Variants in STRC observed in about 807,000 individuals in gnomAD.
STRC encodes the protein stereocilin.
A neutral mutation model predicts 103.5 loss-of-function variants in STRC; 43 were observed. The observed-to-expected ratio is 0.42, with a 90% CI of 0.33 to 0.54. The LOEUF (loss-of-function observed/expected upper bound fraction) is 0.54. Among genes scored for constraint, STRC ranks in the 20% least tolerant of loss-of-function variants. The pLI, the probability that STRC is intolerant of heterozygous loss-of-function variation, is 0.14. For missense variants in STRC, 499 were observed against 1,088.5 expected (o/e 0.46, Z 7.62); for synonymous variants, 186 against 442.3 (o/e 0.42, Z 7.27).
rs755265926 is a variant in STRC at position 43,603,443 on chromosome 15, C to T, written c.4376-32G>A. On this transcript the variant is annotated intron_variant, in intron 22 of 28. Coordinates refer to ENST00000450892, the MANE Select transcript of STRC (RefSeq NM_153700.2). The stretch of plus-strand genomic sequence containing the variant: ...GGGGAAGGCAGGGCCAGGAGGTCAG[C>T]GCAGTAATAAAATATGCCCAGAGAG... 42 of 1,606,936 alleles carry T rather than the reference C, an allele frequency of 2.6e-5. No homozygotes were observed. The Middle Eastern group carries it at 6.6e-4, about 25-fold the overall frequency.
chr15:43,609,267 G>A lies in STRC; in HGVS notation c.3557+9C>T. 3.7e-6 allele frequency: 6 copies of A among 1,610,192 alleles called. No homozygotes were observed. The highest frequency in any genetic ancestry group is 5.1e-6 in the Non-Finnish European group (6 of 1,179,124). ...GAATTCAGCGCACTGCTCAACACAA[G>A]TTACTCACTGCAGATTCCTGAGGGT... On this transcript the variant is annotated intron_variant, in intron 16 of 28. Coordinates refer to ENST00000450892, the MANE Select transcript of STRC (RefSeq NM_153700.2).
At chr15:43,603,505 G>A in intron 22 of STRC, 94 bp from the exon 23 acceptor site, 1 of 1,335,448 alleles carries the variant, frequency 7.5e-7, no homozygotes, top group Non-Finnish European at 1.1e-6. Flanking sequence ...AACCTTTGGA[G>A]GATAGAGCAC....
intron 21 of STRC, 91 bp from the exon 22 acceptor site, chr15:43,604,243 G>A: frequency 6.3e-7 from 1 of 1,596,974 alleles, no homozygotes. Context: ...TCTCTGTTTT[G>A]CAGTCTCCCC....
intron 23 of STRC, among the ~76,000 whole-genome samples, chr15:43,602,854 A>C (rs539561175): frequency 2.6e-5 from 4 of 151,514 alleles, no homozygotes; most frequent in South Asian, 2.1e-4. Context: ...GCCGTGTTAG[A>C]CAGGATGGTC....
intron 21 of STRC, 40 bp downstream of exon 21, chr15:43,604,321 C>T: frequency 2.5e-6 from 4 of 1,580,354 alleles, no homozygotes; most frequent in Non-Finnish European, 3.4e-6. Flanking sequence ...CACCAGTCCC[C>T]TCTATGCATT....
chr15:43,603,355 T>G lies in STRC; in HGVS notation c.4432A>C (p.Thr1478Pro), dbSNP rs148736697. Reference protein sequence around the residue: ...RGTFPAAWSATQIAEMELSDF... With the variant: ...RGTFPAAWSAPQIAEMELSDF... ...GAGAGCTCCATCTCTGCAATCTGGG[T>G]TGCAGACCAGGCTGCTGGGAATGTC... is the stretch of plus-strand genomic sequence containing the variant. Residue 1478 changes from threonine (T) to proline (P), a missense_variant, in exon 23 of 29, where the codon ACC (threonine) becomes CCC (proline). By Grantham distance (38) the Thr-to-Pro change is conservative (BLOSUM62 -1). Coordinates refer to ENST00000450892, the MANE Select transcript of STRC (RefSeq NM_153700.2). 139 of 1,613,670 alleles carry G rather than the reference T, an allele frequency of 8.6e-5. No homozygotes were observed. In the African/African-American group the frequency reaches 1.8e-3, roughly 20 times the overall value.
chr15:43,604,156 C>T lies in STRC; in HGVS notation c.4219-4G>A. ...GGGTCTCTGGACCCAAGGCCTCCTG[C>T]ATGAGAAGGTAGAAGGAGAGTGGGG... On this transcript the variant is annotated splice_polypyrimidine_tract_variant and splice_region_variant and intron_variant, in intron 21 of 28. Transcript: ENST00000450892. 1 of 1,609,018 alleles carries T rather than the reference C, an allele frequency of 6.2e-7. No individual in the cohort carries two copies. The highest frequency in any genetic ancestry group is 8.5e-7 in the Non-Finnish European group (1 of 1,177,938).
chr15:43,604,895 C>T, intron 19 of STRC, 49 bp from the exon 20 acceptor site: 1 of 1,567,338 alleles, frequency 6.4e-7, no homozygotes, highest in South Asian at 1.2e-5. Flanking sequence ...ACTCAGAATA[C>T]CAGACACCTT....
chr15:43,600,801 C>T, intron 25 of STRC, 71 bp downstream of exon 25: 1 of 1,613,480 alleles, frequency 6.2e-7, no homozygotes, highest in Non-Finnish European at 8.5e-7. Flanking sequence ...ACCAGACCTT[C>T]ATGATCCTTC....
chr15:43,600,974 C>T lies in STRC; in HGVS notation c.4742G>A (p.Arg1581Gln), dbSNP rs550671272. The T allele has an allele frequency of 3.6e-5, 58 of 1,599,862 alleles. 3 individuals are homozygous for T. In the South Asian group the frequency reaches 4.2e-4, roughly 12 times the overall value. The change falls in exon 25 of 29, where the codon CGG becomes CAG. Residue 1581 changes from arginine (R) to glutamine (Q), a missense_variant. Physicochemically the swap from Arg to Gln is conservative, Grantham distance 43. Coordinates refer to ENST00000450892, the MANE Select transcript of STRC (RefSeq NM_153700.2). ...AACGAAGTCCAGGTGGCTCACATGC[C>T]GACCACTCTGCCGTAGGAAACTGGA... ...VVSSFLRQSG[R>Q]HVSHLDFVHL...
chr15:43,610,041 T>A (rs1490466450), intron 15 of STRC: 30 of 325,376 alleles, frequency 9.2e-5, no homozygotes, highest in South Asian at 4.7e-4. Flanking sequence ...AAAAAAAAAA[T>A]TTAAAAATTA....
intron 23 of STRC, among the ~76,000 whole-genome samples, chr15:43,602,333 G>GCCA (rs1567116795): frequency 6.6e-6 from 1 of 151,460 alleles, no homozygotes; most frequent in Non-Finnish European, 1.5e-5. Context: ...GGCATGTGCC[G>GCCA]CCACACCCAG....
intron 16 of STRC, among the ~76,000 whole-genome samples, chr15:43,608,772 T>C (rs2141526840): frequency 6.8e-6 from 1 of 147,598 alleles, no homozygotes; most frequent in East Asian, 2.0e-4. Context: ...TCTTCTAATG[T>C]GGGTGTAAGT....
intron 19 of STRC, 139 bp downstream of exon 19, chr15:43,605,125 G>A (rs1401269521): frequency 4.6e-6 from 7 of 1,530,074 alleles, no homozygotes; most frequent in African/African-American, 1.4e-5. Context: ...GCAAAACAGG[G>A]GCCAGGCCTT....
chr15:43,600,404 A>G (rs1364377298), intron 26 of STRC, 111 bp from the exon 27 acceptor site: 9 of 1,399,986 alleles, frequency 6.4e-6, no homozygotes, highest in Admixed American at 3.8e-5. Context: ...ACCTTCCCCA[A>G]TATGTCTCTA....
At chr15:43,606,424 A>AC (rs2085710659) in intron 18 of STRC, among the ~76,000 whole-genome samples, 1 of 139,822 alleles carries the variant, frequency 7.2e-6, no homozygotes, top group Admixed American at 7.2e-5. Context: ...ACATGGTGAA[A>AC]CCCCGTCTCT....
At position 43,603,420 on chromosome 15, in the gene STRC, G is replaced by C; in HGVS notation, c.4376-9C>G. The C allele has an allele frequency of 6.2e-7, 1 of 1,612,706 alleles. No individual in the cohort carries two copies. On this transcript the variant is annotated splice_polypyrimidine_tract_variant and intron_variant, in intron 22 of 28. Transcript: ENST00000450892. ...ACAATTTGGCACAGGTTCTGAAGGGGGAAGGCAGGGCCAGGAGGTCAGCGC... is the reference window on the plus strand; with the variant it reads ...ACAATTTGGCACAGGTTCTGAAGGGCGAAGGCAGGGCCAGGAGGTCAGCGC...
chr15:43,605,084 G>A (rs974154048), intron 19 of STRC, 180 bp downstream of exon 19: 16 of 1,159,916 alleles, frequency 1.4e-5, no homozygotes, highest in Non-Finnish European at 1.9e-5. Context: ...CAAGTAACGT[G>A]AAGCATATTA....
At chr15:43,605,188 ACAGT>A (rs1293583970) in intron 19 of STRC, 72 bp downstream of exon 19, 3 of 1,570,900 alleles carry the variant, frequency 1.9e-6, no homozygotes, top group African/African-American at 2.7e-5. Context: ...GGGTTGGGGG[ACAGT>A]CAGAGAGCAT....
Sources: gnomAD v4.1 joint callset for allele counts (sites outside exome capture counted in the v4.1 genomes callset) on GRCh38, gnomAD v4.1.1 for gene constraint, MANE v1.5 for transcripts, NCBI Gene and HGNC (gene_info 2026-07-23, HGNC 2026-07-21) for gene names.